The following RNF123 variants were observed in gnomAD, a reference collection of about 807,000 sequenced individuals.
RNF123 encodes ring finger protein 123.
A neutral mutation model predicts 168.5 loss-of-function variants in RNF123; 86 were observed. The observed-to-expected ratio is 0.51, with a 90% CI of 0.43 to 0.61. The LOEUF is 0.61. RNF123 is among the 20% of genes least tolerant of loss of function. RNF123 has a pLI of 0.00. For synonymous variants in RNF123, 666 were observed against 689.1 expected (o/e 0.97, Z 0.52); for missense variants, 1,419 against 1,729.7 (o/e 0.82, Z 3.19).
intron 16 of RNF123, 72 bp downstream of exon 16, chr3:49,701,680 A>G: frequency 5.4e-6 from 8 of 1,483,856 alleles, no homozygotes; most frequent in Non-Finnish European, 7.5e-6. Flanking sequence ...GCCACTGGGC[A>G]TCTAGCATGA....
chr3:49,719,411 C>A (rs1392023884), intron 35 of RNF123: 2 of 1,613,536 alleles, frequency 1.2e-6, no homozygotes, highest in Admixed American at 1.7e-5. Flanking sequence ...TCCGGGGTGC[C>A]TAACCCAACG....
intron 26 of RNF123, among the ~76,000 whole-genome samples, chr3:49,709,568 G>A (rs192156005): frequency 1.3e-5 from 2 of 152,178 alleles, no homozygotes; most frequent in East Asian, 3.9e-4. Context: ...CCAAAGTGCT[G>A]GGATTACAGG....
In RNF123 at chr3:49,718,243, C is replaced by T. The variant is rs62640368; in HGVS notation, c.3500+1766C>T. ...GCAGCGGCAGGCACGGCGGCAGCAGCGGCAGGGTGGGGCGAACAGGTAGAG... is the reference window on the plus strand; with the variant it reads ...GCAGCGGCAGGCACGGCGGCAGCAGTGGCAGGGTGGGGCGAACAGGTAGAG... On this transcript the variant is annotated intron_variant, in intron 35 of 38. Coordinates refer to ENST00000327697, the MANE Select transcript of RNF123 (RefSeq NM_022064.5). 6.6e-5 allele frequency: 107 copies of T among 1,611,904 alleles called. No individual in the cohort carries two copies. Among genetic ancestry groups the T allele is most frequent in the Non-Finnish European group, 8.6e-5 (101 of 1,179,444 alleles).
chr3:49,719,570 T>C, intron 35 of RNF123: 1 of 1,023,360 alleles, frequency 9.8e-7, no homozygotes, highest in Non-Finnish European at 1.4e-6. Context: ...GGATGGCCCT[T>C]GCCGAGGAGG....
chr3:49,718,551 C>T, intron 35 of RNF123: 3 of 1,613,150 alleles, frequency 1.9e-6, no homozygotes, highest in Non-Finnish European at 2.5e-6. Flanking sequence ...TGCGCATGGC[C>T]GGGACGCTGG....
rs144189297 is a variant in RNF123 at position 49,720,803 on chromosome 3, C to T, written c.3647C>T (p.Ala1216Val). 6.2e-7 allele frequency: 1 copy of T among 1,614,148 alleles called. No homozygotes were observed. Among genetic ancestry groups the T allele is most frequent in the South Asian group, 1.1e-5 (1 of 91,072 alleles). ...DRKRFSLQSY[A>V]DYISADELAQ... ...GACACTACCTACCACTCCCCAGATGCGGATTATATCAGTGCCGATGAGCTG... is the reference window on the plus strand; with the variant it reads ...GACACTACCTACCACTCCCCAGATGTGGATTATATCAGTGCCGATGAGCTG... The change falls in exon 37 of 39, where the codon GCG (alanine) becomes GTG (valine). Residue 1216 changes from alanine to valine, a missense_variant. Coordinates refer to ENST00000327697, the MANE Select transcript of RNF123 (RefSeq NM_022064.5).
At chr3:49,718,954 G>A in intron 35 of RNF123, 1 of 1,613,812 alleles carries the variant, frequency 6.2e-7, no homozygotes, top group Non-Finnish European at 8.5e-7. Context: ...GAAGGAGAAC[G>A]AGGCGAGTTC....
At chr3:49,704,225 T>G (rs1041886034) in intron 21 of RNF123, among the ~76,000 whole-genome samples, 1 of 152,084 alleles carries the variant, frequency 6.6e-6, no homozygotes, top group Non-Finnish European at 1.5e-5. Flanking sequence ...GGGATGAGGC[T>G]TGGCTCCCAC....
Position 49,707,585 on chromosome 3 carries a change from C to T in RNF123, c.2496+687C>T, listed in dbSNP as rs530695378. 8.5e-5 allele frequency among the ~76,000 whole-genome samples: 13 copies of T among 152,282 alleles called. No homozygotes were observed. In the South Asian group the frequency reaches 1.0e-3, roughly 12 times the overall value. On this transcript the variant is annotated intron_variant, in intron 26 of 38. Coordinates refer to ENST00000327697, the MANE Select transcript of RNF123 (RefSeq NM_022064.5). ...ATCTCTTCCCTAACCAGTGAGTGCC[C>T]TGAGGGTCTCTTCAGGTGCCCAGGT...
Position 49,691,490 on chromosome 3 carries a change from C to T in RNF123, c.148C>T (p.Pro50Ser), listed in dbSNP as rs1488854031. Residue 50 changes from proline (P) to serine (S), a missense_variant, in exon 3 of 39, where the codon CCC (proline) becomes TCC (serine). Coordinates refer to ENST00000327697, the MANE Select transcript of RNF123 (RefSeq NM_022064.5). ...NRIFSSSEHAPPAATSRKPLN... is the reference protein window; with the variant it reads ...NRIFSSSEHASPAATSRKPLN... Reference sequence around the variant, plus strand: ...CATCTTTTCCTCTTCTGAACATGCACCCCCAGCAGCCACCAGCAGGTATGG... The same window carrying T: ...CATCTTTTCCTCTTCTGAACATGCATCCCCAGCAGCCACCAGCAGGTATGG... The T allele has an allele frequency of 3.1e-6, 5 of 1,614,022 alleles. No individual in the cohort carries two copies. The highest frequency in any genetic ancestry group is 4.2e-6 in the Non-Finnish European group (5 of 1,179,984).
intron 35 of RNF123, chr3:49,717,920 T>C (rs757902367): frequency 1.9e-5 from 30 of 1,566,934 alleles, no homozygotes; most frequent in Non-Finnish European, 2.5e-5. Flanking sequence ...AGCAAGAGGG[T>C]GGGGGCCTGG....
At chr3:49,711,648 T>C (rs1461179500) in intron 26 of RNF123, among the ~76,000 whole-genome samples, 1 of 152,126 alleles carries the variant, frequency 6.6e-6, no homozygotes, top group Non-Finnish European at 1.5e-5. Flanking sequence ...GCCCAGGTGC[T>C]GTGACCGCAC....
At chr3:49,716,533 G>C in intron 35 of RNF123, 56 bp downstream of exon 35, 9 of 1,380,238 alleles carry the variant, frequency 6.5e-6, no homozygotes, top group Non-Finnish European at 8.2e-6. Context: ...GGTGAGGAGG[G>C]GCTGGACAGG....
intron 24 of RNF123, 92 bp downstream of exon 24, chr3:49,705,771 G>C: frequency 6.4e-7 from 1 of 1,574,702 alleles, no homozygotes; most frequent in Non-Finnish European, 8.6e-7. Flanking sequence ...CCGCAGGGCT[G>C]CCTGTTCAAG....
Position 49,691,169 on chromosome 3 carries a change from G to T in RNF123, c.4G>T (p.Ala2Ser). The T allele has an allele frequency of 3.1e-6, 5 of 1,613,686 alleles. No homozygotes were observed. The highest frequency in any genetic ancestry group is 4.2e-6 in the Non-Finnish European group (5 of 1,179,700). Residue 2 changes from alanine (A) to serine (S), a missense_variant, in exon 2 of 39, where the codon GCA becomes TCA. Physicochemically the swap from Ala to Ser is moderately conservative, Grantham distance 99. Around this residue, in one of 5 missense-constraint regions of RNF123, gnomAD observed 318 missense variants for 446.6 expected, o/e 0.71. Coordinates refer to ENST00000327697, the MANE Select transcript of RNF123 (RefSeq NM_022064.5). M[A>S]SKGAGMSFSR... ...GGCTGCCCATGAGAGATGAAGGATG[G>T]CATCCAAGGGGGCCGGCATGTCTTT...
intron 12 of RNF123, 59 bp from the exon 13 acceptor site, chr3:49,700,168 A>G: frequency 1.9e-6 from 3 of 1,605,384 alleles, no homozygotes; most frequent in East Asian, 2.2e-5. Flanking sequence ...GTGCCAGGGC[A>G]GGGGTGCCTT....
chr3:49,720,902 G>A lies in RNF123; in HGVS notation c.3738+8G>A. 6.2e-7 allele frequency: 1 copy of A among 1,613,972 alleles called. No homozygotes were observed. The highest frequency in any genetic ancestry group is 1.1e-5 in the South Asian group (1 of 91,072). ...GCAGCAGCTGCCTCCCTGGTGAGTG[G>A]GAACACGGTGCACAGGTCCATGCCA... On this transcript the variant is annotated splice_region_variant and intron_variant, in intron 37 of 38. Transcript: ENST00000327697.
At chr3:49,707,755 C>G (rs11709680) in intron 26 of RNF123, among the ~76,000 whole-genome samples, 1 of 151,610 alleles carries the variant, frequency 6.6e-6, no homozygotes, top group East Asian at 1.9e-4. Context: ...TTTTCCCATT[C>G]GTGACTCTCC....
At chr3:49,715,048 C>T (rs1273834903) in intron 31 of RNF123, among the ~76,000 whole-genome samples, 5 of 152,236 alleles carry the variant, frequency 3.3e-5, no homozygotes. Context: ...GTGCGCCAGG[C>T]CCGTTGCAGC....
Sources: gnomAD v4.1 joint callset for allele counts (sites outside exome capture counted in the v4.1 genomes callset) on GRCh38, gnomAD v4.1.1 for gene constraint, gnomAD v4.1.1 regional missense constraint, MANE v1.5 for transcripts, NCBI Gene and HGNC (gene_info 2026-07-23, HGNC 2026-07-21) for gene names.